Variants in ANKRD30B observed in about 807,000 individuals in gnomAD.
ANKRD30B encodes ankyrin repeat domain-containing protein 30B.
In ANKRD30B, 144 loss-of-function variants were observed where a neutral mutation model predicts 202.2. The observed-to-expected ratio is 0.71, with a 90% CI of 0.62 to 0.82. The LOEUF (loss-of-function observed/expected upper bound fraction) is 0.82, where lower values mean the gene tolerates loss of function less well. ANKRD30B is among the 40% of genes least tolerant of loss of function. The pLI is 0.00. For synonymous variants in ANKRD30B, 508 were observed against 561.3 expected (o/e 0.91, Z 1.34); for missense variants, 1,487 against 1,669.1 (o/e 0.89, Z 1.90).
At chr18:14,884,156 T>C in the ANKRD30B span, 1 of 140,664 alleles carries the variant, frequency 7.1e-6, no homozygotes, top group South Asian at 2.6e-4. Flanking sequence ...AACAAACCTG[T>C]GGCTTCCATT....
chr18:14,780,035 T>C lies in ANKRD30B; in HGVS notation c.1482+14T>C, dbSNP rs1967623464. On this transcript the variant is annotated intron_variant, in intron 11 of 43. Transcript: ENST00000690538. ...TGGGATTCTGGGGTATTGTGTATTA[T>C]TGCTGTTATTATTCTCTAAAAATAT... 1.3e-6 allele frequency: 2 copies of C among 1,588,108 alleles called. No individual in the cohort carries two copies. The highest frequency in any genetic ancestry group is 2.7e-5 in the African/African-American group (2 of 74,166).
the ANKRD30B span, among the ~76,000 whole-genome samples, chr18:14,870,038 A>G: frequency 4.6e-5 from 7 of 152,210 alleles, no homozygotes; most frequent in East Asian, 1.2e-3. Context: ...GTTTCACCAT[A>G]TTGATCATGC....
the ANKRD30B span, chr18:14,883,401 ATATATATATATATATATATATATATC>A: frequency 1.0e-5 from 1 of 95,944 alleles, no homozygotes; most frequent in Non-Finnish European, 1.9e-5. Flanking sequence ...CTCTCTCTCT[ATATATATATATATATATATATATATC>A]TATATATATC....
intron 30 of ANKRD30B, among the ~76,000 whole-genome samples, chr18:14,820,532 A>G (rs939007009): frequency 5.3e-5 from 8 of 152,218 alleles, no homozygotes; most frequent in African/African-American, 1.9e-4. Flanking sequence ...TTTGAGATAC[A>G]TCCCATCAAT....
At chr18:14,848,951 T>A in intron 40 of ANKRD30B, 22 bp downstream of exon 40, 1 of 1,479,962 alleles carries the variant, frequency 6.8e-7, no homozygotes, top group African/African-American at 1.4e-5. Flanking sequence ...TAGTTTTAAA[T>A]AAATATTTCA....
Position 14,799,297 on chromosome 18 carries a change from T to G in ANKRD30B, c.2131+2T>G. On this transcript the variant is annotated splice_donor_variant, in intron 22 of 43. Transcript: ENST00000690538. LOFTEE classifies it high-confidence loss of function. ...AGGACAGAGAAACATTCAAAGCAGG[T>G]AAATTTTGCAATTTTAATTTTACTC... is the stretch of plus-strand genomic sequence containing the variant. 3.3e-6 allele frequency: 5 copies of G among 1,522,402 alleles called. No homozygotes were observed. Among genetic ancestry groups the G allele is most frequent in the Non-Finnish European group, 4.4e-6 (5 of 1,139,600 alleles). 94.3% of individuals were successfully genotyped at this position (1,522,402 alleles called of 1,614,324 possible).
chr18:14,911,286 T>C, the ANKRD30B span, among the ~76,000 whole-genome samples: 2 of 152,106 alleles, frequency 1.3e-5, no homozygotes, highest in Non-Finnish European at 2.9e-5. Context: ...AGTCCATCTT[T>C]AGTTGATTAT....
intron 33 of ANKRD30B, among the ~76,000 whole-genome samples, chr18:14,829,357 C>A (rs1970805055): frequency 6.6e-6 from 1 of 152,028 alleles, no homozygotes. Context: ...CATTTCAAAG[C>A]CCATTACTCT....
chr18:14,808,573 T>G lies in ANKRD30B; in HGVS notation c.2307T>G (p.Leu769=), dbSNP rs770376998. 202 of 1,546,408 alleles carry G rather than the reference T, an allele frequency of 1.3e-4. 6 individuals carry two copies. The highest frequency in any genetic ancestry group is 7.1e-5 in the Non-Finnish European group (80 of 1,123,810). ...TAGAGTCTCCTGATAAAGATGGTCTTCTGAAGGTAATTACTTTTATATTTC... is the reference window on the plus strand; with the variant it reads ...TAGAGTCTCCTGATAAAGATGGTCTGCTGAAGGTAATTACTTTTATATTTC... ...KLEESPDKDG[L]LKPTCGRKVS... The change falls in exon 25 of 44, where the codon CTT becomes CTG. Residue 769 remains leucine, a synonymous_variant. Transcript: ENST00000690538.
chr18:14,878,424 A>G, the ANKRD30B span, among the ~76,000 whole-genome samples: 1 of 152,110 alleles, frequency 6.6e-6, no homozygotes, highest in Non-Finnish European at 1.5e-5. Flanking sequence ...GGAGCTTATG[A>G]GTCTATTAGA....
chr18:14,861,069 A>G, the ANKRD30B span, among the ~76,000 whole-genome samples: 1 of 152,216 alleles, frequency 6.6e-6, no homozygotes, highest in Non-Finnish European at 1.5e-5. Context: ...TTTCCAGACA[A>G]GAAAATGCTA....
Position 14,796,256 on chromosome 18 carries a change from A to G in ANKRD30B, c.1854+7A>G. The G allele has an allele frequency of 1.2e-6, 2 of 1,606,248 alleles. No homozygotes were observed. Among genetic ancestry groups the G allele is most frequent in the Non-Finnish European group, 8.5e-7 (1 of 1,173,318 alleles). On this transcript the variant is annotated splice_region_variant and intron_variant, in intron 17 of 43. Coordinates refer to ENST00000690538, the MANE Select transcript of ANKRD30B (RefSeq NM_001367607.2). Reference sequence around the variant, plus strand: ...TAAAGATGGTCTTCTGAAGGTAATAACTTTTATATTGCTATCTTGAATACT... The same window carrying G: ...TAAAGATGGTCTTCTGAAGGTAATAGCTTTTATATTGCTATCTTGAATACT...
At chr18:14,827,296 G>T (rs1016651298) in intron 32 of ANKRD30B, among the ~76,000 whole-genome samples, 9 of 152,150 alleles carry the variant, frequency 5.9e-5, no homozygotes, top group African/African-American at 2.2e-4. Flanking sequence ...TCCTTAGAAT[G>T]ACACATTATT....
At position 14,797,600 on chromosome 18, in the gene ANKRD30B, A is replaced by T. The variant is rs1969001462; in HGVS notation, c.1928-61A>T. ...TCATCTTCATATTCACACTGTATGA[A>T]CGTTTGGTAGGCTTTGTCAGGCTTG... On this transcript the variant is annotated intron_variant, in intron 18 of 43. Transcript: ENST00000690538. The T allele has an allele frequency of 5.3e-6, 8 of 1,504,094 alleles. No homozygotes were observed. In the Admixed American group the frequency reaches 1.3e-4, roughly 25 times the overall value. The allele number at this position is 1,504,094 out of a possible 1,614,324, so 93.2% of individuals were successfully genotyped here.
At chr18:14,852,802 C>T (rs1971945640) in intron 42 of ANKRD30B, 1 of 155,152 alleles carries the variant, frequency 6.4e-6, no homozygotes, top group African/African-American at 2.4e-5. Flanking sequence ...AGATTCAGTT[C>T]AGCAATTTAC....
intron 9 of ANKRD30B, among the ~76,000 whole-genome samples, chr18:14,772,609 A>T (rs977255323): frequency 6.6e-6 from 1 of 151,816 alleles, no homozygotes; most frequent in African/African-American, 2.4e-5. Flanking sequence ...AACAAAATTC[A>T]TGCTTAAATT....
intron 22 of ANKRD30B, 23 bp downstream of exon 22, chr18:14,799,318 T>C: frequency 2.0e-6 from 3 of 1,494,602 alleles, no homozygotes; most frequent in South Asian, 1.3e-5. Context: ...ATTTTAATTT[T>C]ACTCTGGAAT....
At position 14,808,928 on chromosome 18, in the gene ANKRD30B, TA is replaced by T. The variant is rs1057373160; in HGVS notation, c.2386+192del. Among the ~76,000 whole-genome samples, 10 of 150,628 alleles carry T rather than the reference TA, an allele frequency of 6.6e-5. 1 individual carries two copies. The highest frequency in any genetic ancestry group is 5.8e-4 in the East Asian group (3 of 5,166). ...CATTTAGAAGCATAAGATTTAGAGA[TA>T]AAAAAAATTCAGCTTTGCCTCATGT... is the stretch of plus-strand genomic sequence containing the variant. On this transcript the variant is annotated intron_variant, in intron 26 of 43. Transcript: ENST00000690538.
At chr18:14,855,135 C>T (rs1031618620), downstream of ANKRD30B, among the ~76,000 whole-genome samples, 27 of 152,254 alleles carry the variant, frequency 1.8e-4, no homozygotes, top group South Asian at 4.1e-3. Flanking sequence ...CTTCAAGCAT[C>T]TGTTTAACAA....
Sources: allele counts gnomAD v4.1 joint callset (sites outside exome capture counted in the v4.1 genomes callset), GRCh38; gene constraint gnomAD v4.1.1; transcripts MANE v1.5; gene names NCBI Gene and HGNC (gene_info 2026-07-23, HGNC 2026-07-21).